Variants in TMEM132D observed in about 807,000 individuals in gnomAD.
The protein encoded by TMEM132D is mature OL transmembrane protein.
A neutral mutation model predicts 62.3 loss-of-function variants in TMEM132D; 21 were observed. The observed-to-expected ratio is 0.34, with a 90% CI of 0.24 to 0.49. TMEM132D has a LOEUF of 0.49. TMEM132D is among the 20% of genes least tolerant of loss of function. The pLI, the probability that TMEM132D is intolerant of heterozygous loss-of-function variation, is 0.99. For synonymous variants in TMEM132D, 621 were observed against 575.6 expected (o/e 1.08, Z -1.13); for missense variants, 1,346 against 1,402.8 (o/e 0.96, Z 0.65).
intron 2 of TMEM132D, among the ~76,000 whole-genome samples, chr12:129,638,802 T>G (rs1174142743): frequency 2.0e-5 from 3 of 152,070 alleles, no homozygotes. Context: ...TCCAATGCTG[T>G]AAGCAGTCCC....
chr12:129,696,614 G>A lies in TMEM132D; in HGVS notation c.968+3196C>T, dbSNP rs536849365. On this transcript the variant is annotated intron_variant, in intron 2 of 8. Coordinates refer to ENST00000422113, the MANE Select transcript of TMEM132D (RefSeq NM_133448.3). ...CGGACTCCCTGTGGTGAAAAGCAAC[G>A]AAAGAATAACTGGTGAGGGTGTGAA... Among the ~76,000 whole-genome samples the A allele has an allele frequency of 6.6e-5, 10 of 152,228 alleles. 1 individual carries two copies. The highest frequency in any genetic ancestry group is 1.4e-4 in the African/African-American group (6 of 41,556).
Position 129,445,333 on chromosome 12 carries a change from A to G in TMEM132D, c.1115+85726T>C, listed in dbSNP as rs114491935. On this transcript the variant is annotated intron_variant, in intron 3 of 8. Coordinates refer to ENST00000422113, the MANE Select transcript of TMEM132D (RefSeq NM_133448.3). ...GAGGGTGGAGTGTGGGAGGAAGGAG[A>G]GAATCAAGAAAAATAACTAATGGGT... Among the ~76,000 whole-genome samples, 419 of 152,276 alleles carry G rather than the reference A, an allele frequency of 2.8e-3. 1 individual carries two copies. The highest frequency in any genetic ancestry group is 9.6e-3 in the African/African-American group (397 of 41,552).
chr12:129,127,543 G>A (rs1467475596), intron 5 of TMEM132D, among the ~76,000 whole-genome samples: 1 of 152,078 alleles, frequency 6.6e-6, no homozygotes, highest in Non-Finnish European at 1.5e-5. Context: ...CCATTTAAAA[G>A]TCAATGTGAA....
chr12:129,458,666 C>T (rs1873558162), intron 3 of TMEM132D, among the ~76,000 whole-genome samples: 1 of 152,110 alleles, frequency 6.6e-6, no homozygotes, highest in Non-Finnish European at 1.5e-5. Context: ...ATTAAATAGT[C>T]CAGGAAATTG....
chr12:129,901,384 G>T (rs1225942122), intron 1 of TMEM132D, among the ~76,000 whole-genome samples: 1 of 152,068 alleles, frequency 6.6e-6, no homozygotes, highest in African/African-American at 2.4e-5. Flanking sequence ...TAGGGGTGTT[G>T]ATTTTTTTCT....
At chr12:129,772,356 TG>T (rs1870782015) in intron 1 of TMEM132D, among the ~76,000 whole-genome samples, 1 of 152,226 alleles carries the variant, frequency 6.6e-6, no homozygotes, top group East Asian at 1.9e-4. Context: ...TTTAATTTAA[TG>T]ATGCGGACTT....
rs765977401 is a variant in TMEM132D, at chr12:129,700,496, A to G, written c.282T>C (p.Asn94=). ...CGATGGAGAAAGGCCCGTAGCTGGC[A>G]TTGAGGACAGGCAGCCTCCTGGATT... is the stretch of plus-strand genomic sequence containing the variant. ...IYKSRRLPVL[N]ASYGPFSIEQ... Residue 94 remains asparagine (N), a synonymous_variant, in exon 2 of 9, where the codon AAT becomes AAC. Coordinates refer to ENST00000422113, the MANE Select transcript of TMEM132D (RefSeq NM_133448.3). The G allele has an allele frequency of 1.2e-6, 2 of 1,614,152 alleles. No homozygotes were observed. Among genetic ancestry groups the G allele is most frequent in the Admixed American group, 1.7e-5 (1 of 60,028 alleles).
rs148215242 is a variant in TMEM132D at position 129,779,579 on chromosome 12, G to T, written c.80-78881C>A. ...ATTACAGGTGTGAGCCACCACACCC[G>T]GCCCAGGTTTTTGTTATTGTTTTGG... On this transcript the variant is annotated intron_variant, in intron 1 of 8. Coordinates refer to ENST00000422113, the MANE Select transcript of TMEM132D (RefSeq NM_133448.3). The surrounding 1 kb of genome is among the most constrained non-coding windows in gnomAD (Gnocchi z 4.1). Among the ~76,000 whole-genome samples the T allele has an allele frequency of 6.6e-6, 1 of 152,076 alleles. No individual in the cohort carries two copies. Among genetic ancestry groups the T allele is most frequent in the Non-Finnish European group, 1.5e-5 (1 of 68,016 alleles).
chr12:129,889,686 T>TAAC (rs1874859326), intron 1 of TMEM132D, among the ~76,000 whole-genome samples: 1 of 152,234 alleles, frequency 6.6e-6, no homozygotes, highest in African/African-American at 2.4e-5. Flanking sequence ...AAGATCCTTG[T>TAAC]AACGGAAGAT....
intron 1 of TMEM132D, among the ~76,000 whole-genome samples, chr12:129,837,134 T>C (rs1016644070): frequency 2.6e-5 from 4 of 152,244 alleles, no homozygotes; most frequent in South Asian, 2.1e-4. Context: ...GAAATAATTA[T>C]GTAATCCAGG....
chr12:129,895,286 G>A (rs1593202274), intron 1 of TMEM132D, among the ~76,000 whole-genome samples: 1 of 152,172 alleles, frequency 6.6e-6, no homozygotes, highest in Non-Finnish European at 1.5e-5. Flanking sequence ...TGTTTGTAAC[G>A]TTACTGAAAT....
rs368603347 is a variant in TMEM132D, at chr12:129,371,572, A to G, written c.1116-33755T>C. Among the ~76,000 whole-genome samples, 1 of 151,724 alleles carries G rather than the reference A, an allele frequency of 6.6e-6. No homozygotes were observed. The highest frequency in any genetic ancestry group is 2.4e-5 in the African/African-American group (1 of 41,280). The stretch of plus-strand genomic sequence containing the variant: ...GATGATGATGGCGATGATGGTGACA[A>G]TGATGTGATGATAGTAACAATGATC... On this transcript the variant is annotated intron_variant, in intron 3 of 8. Transcript: ENST00000422113. This position sits in a 1 kb window ranked among gnomAD's most constrained non-coding sequence, Gnocchi z 4.3.
intron 5 of TMEM132D, among the ~76,000 whole-genome samples, chr12:129,181,683 A>G (rs4964844): frequency 0.35 from 53,887 of 151,848 alleles, 9,888 homozygotes; most frequent in East Asian, 0.57. Context: ...TTTTTTCCCT[A>G]TCTGTCCTTG....
intron 5 of TMEM132D, among the ~76,000 whole-genome samples, chr12:129,090,469 A>G (rs953523325): frequency 1.3e-5 from 2 of 152,186 alleles, no homozygotes; most frequent in Non-Finnish European, 2.9e-5. Context: ...GTTCGAGACC[A>G]GCCTGGCCAA....
At position 129,073,207 on chromosome 12, in the gene TMEM132D, A is replaced by ATGTGT. The variant is rs1453560269; in HGVS notation, c.*663_*667dup. ...TGAAGGGCTCAGAGGATTTGCGTCCATGTGTTTGTCCTTGGCATGTAGTTA... is the reference window on the plus strand; with the variant it reads ...TGAAGGGCTCAGAGGATTTGCGTCCATGTGTTGTGTTTGTCCTTGGCATGTAGTTA... On this transcript the variant is annotated 3_prime_UTR_variant, in exon 9 of 9. Coordinates refer to ENST00000422113, the MANE Select transcript of TMEM132D (RefSeq NM_133448.3). 6.6e-6 allele frequency: 1 copy of ATGTGT among 152,268 alleles called. No individual in the cohort carries two copies. The highest frequency in any genetic ancestry group is 1.5e-5 in the Non-Finnish European group (1 of 68,068). The allele number at this position is 152,268 out of a possible 1,614,324, so 9.4% of individuals were successfully genotyped here. A position where few individuals can be genotyped will look rare whatever the true frequency, so the allele number is the denominator to read the frequency against.
intron 5 of TMEM132D, among the ~76,000 whole-genome samples, chr12:129,147,218 A>G (rs557612334): frequency 7.1e-6 from 1 of 141,582 alleles, no homozygotes; most frequent in East Asian, 2.0e-4. Flanking sequence ...ATACACATAT[A>G]CACATGTGTA....
At chr12:129,725,524 G>A (rs1360091086) in intron 1 of TMEM132D, among the ~76,000 whole-genome samples, 2 of 152,240 alleles carry the variant, frequency 1.3e-5, no homozygotes, top group African/African-American at 4.8e-5. Context: ...TCTATTAAGT[G>A]CTAGGTGTTG....
At chr12:129,897,894 T>C (rs1334365593) in intron 1 of TMEM132D, among the ~76,000 whole-genome samples, 2 of 152,126 alleles carry the variant, frequency 1.3e-5, no homozygotes, top group African/African-American at 4.8e-5. Context: ...AACCGCCTGG[T>C]TTTTAGTTAT....
intron 1 of TMEM132D, among the ~76,000 whole-genome samples, chr12:129,886,005 T>C (rs113260384): frequency 2.6e-5 from 4 of 152,342 alleles, no homozygotes; most frequent in African/African-American, 9.6e-5. Context: ...CAAAAATGTA[T>C]GGTTATATAT....
Sources: allele counts gnomAD v4.1 joint callset (sites outside exome capture counted in the v4.1 genomes callset), GRCh38; gene constraint gnomAD v4.1.1; non-coding constraint Gnocchi (gnomAD v3.1); transcripts MANE v1.5; gene names NCBI Gene and HGNC (gene_info 2026-07-23, HGNC 2026-07-21).